The following RBM5 variants were observed in gnomAD, a reference collection of about 807,000 sequenced individuals.
RBM5 encodes the protein RNA binding motif protein 5.
Under a neutral mutation model 124.6 loss-of-function variants are expected in RBM5, and 15 were observed. The observed-to-expected ratio is 0.12, with a 90% CI of 0.08 to 0.19. RBM5 has a LOEUF of 0.19. Ranked by LOEUF, RBM5 falls within the 10% of genes least tolerant of loss-of-function variation. The pLI, the probability that RBM5 is intolerant of heterozygous loss-of-function variation, is 1.00. For synonymous variants in RBM5, 337 were observed against 361.2 expected, an observed-to-expected ratio of 0.93 and a Z score of 0.76; for missense variants, 580 against 1,026.5, an observed-to-expected ratio of 0.57 and a Z score of 5.94.
At chr3:50,105,747 C>G (rs762189976) in intron 10 of RBM5, 38 bp downstream of exon 10, 1 of 1,604,726 alleles carries the variant, frequency 6.2e-7, no homozygotes, top group Non-Finnish European at 8.5e-7. Context: ...TTAAAAGAAA[C>G]AGCTTTAAGA....
chr3:50,094,006 G>A, intron 4 of RBM5, 131 bp downstream of exon 4: 1 of 990,042 alleles, frequency 1.0e-6, no homozygotes, highest in East Asian at 2.5e-5. Flanking sequence ...CAAAATGCTT[G>A]GGACCAGAAC....
rs1274003002 is a variant in RBM5, at chr3:50,090,464, A to G, written c.17+13A>G. The G allele has an allele frequency of 3.1e-6, 5 of 1,613,848 alleles. No individual in the cohort carries two copies. The highest frequency in any genetic ancestry group is 4.2e-6 in the Non-Finnish European group (5 of 1,179,890). On this transcript the variant is annotated intron_variant, in intron 2 of 24. Transcript: ENST00000347869. Reference sequence around the variant, plus strand: ...GTTCAGACAAAAGGTAAGTTACTACAGTACGTGGCTTTGATCTCAACATTT... The same window carrying G: ...GTTCAGACAAAAGGTAAGTTACTACGGTACGTGGCTTTGATCTCAACATTT...
intron 22 of RBM5, 76 bp downstream of exon 22, chr3:50,116,056 C>G (rs191191000): frequency 1.0e-5 from 14 of 1,387,552 alleles, no homozygotes; most frequent in African/African-American, 1.4e-5. Flanking sequence ...GCATTTAGTT[C>G]CAGATCCCAG....
Position 50,118,357 on chromosome 3 carries a change from C to T in RBM5, c.2349C>T (p.Gly783=), listed in dbSNP as rs748509835. 4.3e-6 allele frequency: 7 copies of T among 1,614,128 alleles called. No homozygotes were observed. The South Asian group carries it at 6.6e-5, about 15-fold the overall frequency. The change falls in exon 25 of 25, where the codon GGC becomes GGT. Residue 783 remains glycine (G), a synonymous_variant. Transcript: ENST00000347869. The stretch of plus-strand genomic sequence containing the variant: ...CTCAAGTTCGGCTAAAGGGAGCTGG[C>T]CTAGGAGCCAAAGGCAGCGCATATG... The part of the protein sequence containing the change: ...IEAQVRLKGA[G]LGAKGSAYGL...
At chr3:50,110,947 T>TA in intron 17 of RBM5, 177 bp downstream of exon 17, 11 of 584,978 alleles carry the variant, frequency 1.9e-5, no homozygotes, top group Admixed American at 1.7e-4. Context: ...ATTGTAGGGT[T>TA]AAAAAATGTT....
rs1440677184 is a variant in RBM5 at position 50,117,452 on chromosome 3, A to AT, written c.2322+74dup. 2 of 1,586,538 alleles carry AT rather than the reference A, an allele frequency of 1.3e-6. No homozygotes were observed. The highest frequency in any genetic ancestry group is 3.4e-5 in the Admixed American group (2 of 58,014). ...TTCCAGAGATGAGATCAGAGCACTCATAGAGCCTGGGAGCCAGGAGCAGCT... is the reference window on the plus strand; with the variant it reads ...TTCCAGAGATGAGATCAGAGCACTCATTAGAGCCTGGGAGCCAGGAGCAGCT... On this transcript the variant is annotated intron_variant, in intron 24 of 24. Transcript: ENST00000347869. The surrounding 1 kb of genome is among the most constrained non-coding windows in gnomAD (Gnocchi z 4.2).
Position 50,100,620 on chromosome 3 carries a change from CAA to C in RBM5, c.483+16_483+17del. On this transcript the variant is annotated intron_variant, in intron 6 of 24. Coordinates refer to ENST00000347869, the MANE Select transcript of RBM5 (RefSeq NM_005778.4). This position sits in a 1 kb window ranked among gnomAD's most constrained non-coding sequence, Gnocchi z 5.1. ...AAGCCAATCAGGTTGCTTCACTCAC[CAA>C]GTCTAGATATTCATGAAAATGGAAC... 6.3e-7 allele frequency: 1 copy of C among 1,576,150 alleles called. No homozygotes were observed. The highest frequency in any genetic ancestry group is 8.7e-7 in the Non-Finnish European group (1 of 1,146,196).
intron 15 of RBM5, among the ~76,000 whole-genome samples, 194 bp from the exon 16 acceptor site, chr3:50,110,185 T>G (rs1307212405): frequency 2.6e-5 from 4 of 152,216 alleles, no homozygotes; most frequent in Admixed American, 2.0e-4. Flanking sequence ...CAGTCCAGTT[T>G]GGGCAACAGA....
chr3:50,093,295 T>C (rs1247596908), intron 3 of RBM5, among the ~76,000 whole-genome samples: 1 of 150,956 alleles, frequency 6.6e-6, no homozygotes, highest in African/African-American at 2.4e-5. Context: ...AAAAATTAGC[T>C]GGGCGTGGTG....
chr3:50,094,517 G>T (rs2090770895), intron 4 of RBM5, among the ~76,000 whole-genome samples: 1 of 151,864 alleles, frequency 6.6e-6, no homozygotes, highest in Admixed American at 6.6e-5. Flanking sequence ...TTTTTTACAG[G>T]CAGGGTCTCA....
intron 6 of RBM5, chr3:50,101,443 G>C (rs1163146590): frequency 6.6e-6 from 1 of 152,156 alleles, no homozygotes; most frequent in Non-Finnish European, 1.5e-5. Context: ...TACATTCTTT[G>C]ATTGGTAATA....
chr3:50,108,169 C>G, intron 13 of RBM5, 22 bp downstream of exon 13: 3 of 1,603,832 alleles, frequency 1.9e-6, no homozygotes, highest in Non-Finnish European at 2.6e-6. Flanking sequence ...TTAGCAGCAT[C>G]CACCTTATAG....
chr3:50,102,870 C>T (rs2109001281), intron 6 of RBM5: 1 of 530,164 alleles, frequency 1.9e-6, no homozygotes, highest in East Asian at 3.4e-5. Context: ...TTTCTCAGCA[C>T]TCCCTGACTC....
intron 7 of RBM5, among the ~76,000 whole-genome samples, chr3:50,103,520 G>A (rs555643598): frequency 7.2e-5 from 11 of 152,242 alleles, no homozygotes; most frequent in Admixed American, 6.5e-4. Flanking sequence ...CACGGTGCGC[G>A]CCTGTAATCC....
chr3:50,108,156 A>G lies in RBM5; in HGVS notation c.1119+9A>G. On this transcript the variant is annotated intron_variant, in intron 13 of 24. Transcript: ENST00000347869. ...ATGCCCAATATGCTCAGGTAGGTAG[A>G]TTTTAGCAGCATCCACCTTATAGTC... 1 of 1,607,686 alleles carries G rather than the reference A, an allele frequency of 6.2e-7. No homozygotes were observed. The highest frequency in any genetic ancestry group is 8.5e-7 in the Non-Finnish European group (1 of 1,174,182).
chr3:50,115,943 A>T lies in RBM5; in HGVS notation c.2057A>T (p.Glu686Val), dbSNP rs777644242. 1 of 1,614,054 alleles carries T rather than the reference A, an allele frequency of 6.2e-7. No homozygotes were observed. Among genetic ancestry groups the T allele is most frequent in the Admixed American group, 1.7e-5 (1 of 60,018 alleles). The change falls in exon 22 of 25, where the codon GAG becomes GTG. Residue 686 changes from glutamate (E) to valine (V), a missense_variant. By Grantham distance (121) the Glu-to-Val change is moderately radical. Transcript: ENST00000347869. ...MDIYRRSRLS[E>V]QELEALELRE... ...ATCTATCGACGATCCAGGCTGAGCG[A>T]GCAGGAGCTGGAAGCCTTGGAGCTA...
chr3:50,091,350 T>C, intron 2 of RBM5, among the ~76,000 whole-genome samples: 1 of 152,254 alleles, frequency 6.6e-6, no homozygotes, highest in East Asian at 1.9e-4. Flanking sequence ...GTTTTATGAA[T>C]CTGGTAAACA....
intron 20 of RBM5, 50 bp from the exon 21 acceptor site, chr3:50,115,377 GC>G (rs2091229386): frequency 3.2e-6 from 5 of 1,584,080 alleles, no homozygotes; most frequent in Non-Finnish European, 4.3e-6. Context: ...CATAGCCACC[GC>G]CATCTTCCTA....
intron 4 of RBM5, 135 bp from the exon 5 acceptor site, chr3:50,099,847 G>A (rs561878747): frequency 4.6e-4 from 309 of 676,636 alleles, no homozygotes; most frequent in Admixed American, 1.6e-3. Flanking sequence ...GGGCAATCAA[G>A]TGAGTGAGAG....
Sources: allele counts gnomAD v4.1 joint callset (sites outside exome capture counted in the v4.1 genomes callset), GRCh38; gene constraint gnomAD v4.1.1; non-coding constraint Gnocchi (gnomAD v3.1); transcripts MANE v1.5; gene names NCBI Gene and HGNC (gene_info 2026-07-23, HGNC 2026-07-21).